Variants in KDM3A observed in about 807,000 individuals in gnomAD.
KDM3A encodes lysine demethylase 3A.
In KDM3A, 60 loss-of-function variants were observed where a neutral mutation model predicts 158.0. The observed-to-expected ratio is 0.38, with a 90% confidence interval of 0.31 to 0.47. The LOEUF is 0.47. Among genes scored for constraint, KDM3A ranks in the 20% least tolerant of loss-of-function variants. The probability of loss-of-function intolerance (pLI) is 0.99; values close to 1 mark genes in which losing one functional copy is unlikely to be tolerated. For missense variants in KDM3A, 1,319 were observed against 1,574.3 expected, an observed-to-expected ratio of 0.84 and a Z score of 2.74; for synonymous variants, 608 against 549.3, an observed-to-expected ratio of 1.11 and a Z score of -1.49.
chr2:86,478,629 T>C lies in KDM3A; in HGVS notation c.2210T>C (p.Ile737Thr), dbSNP rs775780707. Reference protein sequence around the residue: ...PGKALYDVGDIVHSVRAKWGI... With the variant: ...PGKALYDVGDTVHSVRAKWGI... ...TTAGCACTCTATGATGTTGGAGACA[T>C]TGTTCATTCTGTAAGAGCGAAATGG... Residue 737 changes from isoleucine (I) to threonine (T), a missense_variant, in exon 15 of 26, where the codon ATT becomes ACT. This residue lies in a region of KDM3A where 368 missense variants were observed against 415.8 expected (regional missense o/e 0.89). Coordinates refer to ENST00000312912, the MANE Select transcript of KDM3A (RefSeq NM_018433.6). 2 of 1,614,122 alleles carry C rather than the reference T, an allele frequency of 1.2e-6. No individual in the cohort carries two copies. Among genetic ancestry groups the C allele is most frequent in the African/African-American group, 1.3e-5 (1 of 75,062 alleles).
chr2:86,485,861 TAAG>T lies in KDM3A; in HGVS notation c.3313+3_3313+5del, dbSNP rs1361115236. 3 of 1,608,072 alleles carry T rather than the reference TAAG, an allele frequency of 1.9e-6. No individual in the cohort carries two copies. Among genetic ancestry groups the T allele is most frequent in the Non-Finnish European group, 2.6e-6 (3 of 1,175,354 alleles). Reference sequence around the variant, plus strand: ...GCCCCAAGATGTATAATGCTTATGGTAAGGAGGAGATGGCTAACTTTAAAATGG... The same window carrying T: ...GCCCCAAGATGTATAATGCTTATGGTGAGGAGATGGCTAACTTTAAAATGG... On this transcript the variant is annotated splice_donor_5th_base_variant and intron_variant, in intron 21 of 25. Coordinates refer to ENST00000312912, the MANE Select transcript of KDM3A (RefSeq NM_018433.6).
intron 11 of KDM3A, among the ~76,000 whole-genome samples, chr2:86,471,598 T>C (rs1405291187): frequency 1.3e-5 from 2 of 152,144 alleles, no homozygotes; most frequent in Non-Finnish European, 2.9e-5. Context: ...CCTATTCTCC[T>C]CCTCCCTTTT....
chr2:86,444,392 C>G (rs1221699947), intron 2 of KDM3A, among the ~76,000 whole-genome samples: 1 of 152,134 alleles, frequency 6.6e-6, no homozygotes, highest in South Asian at 2.1e-4. Context: ...TGCCAATCTT[C>G]TGTCTCTTTT....
At chr2:86,470,141 T>G (rs1407911611) in intron 10 of KDM3A, 63 bp from the exon 11 acceptor site, 18 of 1,316,142 alleles carry the variant, frequency 1.4e-5, no homozygotes, top group Middle Eastern at 2.5e-4. Flanking sequence ...TAGAATTCAG[T>G]CATATATGAA....
chr2:86,475,111 A>G, intron 12 of KDM3A, 121 bp downstream of exon 12: 1 of 784,604 alleles, frequency 1.3e-6, no homozygotes, highest in Non-Finnish European at 2.1e-6. Context: ...ACTTTGGTAT[A>G]ATGAGGTTGC....
At chr2:86,455,962 A>G (rs1479160434) in intron 5 of KDM3A, among the ~76,000 whole-genome samples, 1 of 151,618 alleles carries the variant, frequency 6.6e-6, no homozygotes, top group African/African-American at 2.4e-5. Flanking sequence ...TCAAAAAAAA[A>G]AAAAAAAAAA....
chr2:86,487,350 A>G lies in KDM3A; in HGVS notation c.3313+1491A>G, dbSNP rs546857662. The G allele has an allele frequency of 1.3e-3, 195 of 152,300 alleles. 1 individual carries two copies. Among genetic ancestry groups the G allele is most frequent in the African/African-American group, 4.5e-3 (186 of 41,558 alleles). The allele number at this position is 152,300 out of a possible 1,614,324, so 9.4% of individuals were successfully genotyped here. A position where few individuals can be genotyped will look rare whatever the true frequency, so the allele number is the denominator to read the frequency against. ...GAAAATAATGATGTGTTCATTTTCA[A>G]ACACCTTATATCTTATTGTAAACAT... On this transcript the variant is annotated intron_variant, in intron 21 of 25. Coordinates refer to ENST00000312912, the MANE Select transcript of KDM3A (RefSeq NM_018433.6).
At chr2:86,467,410 T>G (rs1449760385) in intron 10 of KDM3A, 2 of 152,764 alleles carry the variant, frequency 1.3e-5, no homozygotes, top group Non-Finnish European at 2.9e-5. Flanking sequence ...CAGAATTGTA[T>G]CATTTCTGGA....
chr2:86,458,788 T>G (rs1672809613), intron 8 of KDM3A, among the ~76,000 whole-genome samples: 1 of 152,050 alleles, frequency 6.6e-6, no homozygotes, highest in Admixed American at 6.6e-5. Flanking sequence ...AAGTTTGGGT[T>G]TTATGCTGCA....
At chr2:86,464,251 A>G in intron 9 of KDM3A, 35 bp downstream of exon 9, 1 of 1,379,494 alleles carries the variant, frequency 7.2e-7, no homozygotes, top group Non-Finnish European at 9.6e-7. Flanking sequence ...TTTAATTATA[A>G]TAATAAAAAA....
chr2:86,491,341 C>T (rs899394895), intron 25 of KDM3A, 66 bp downstream of exon 25: 24 of 1,520,930 alleles, frequency 1.6e-5, no homozygotes, highest in Non-Finnish European at 2.2e-5. Context: ...CATTCTTCAC[C>T]TTATAAAGAG....
chr2:86,442,452 T>A, intron 2 of KDM3A: 1 of 513,898 alleles, frequency 1.9e-6, no homozygotes, highest in South Asian at 2.4e-5. Flanking sequence ...AATAATGGGC[T>A]TAGGGTTGTT....
intron 12 of KDM3A, among the ~76,000 whole-genome samples, chr2:86,477,651 A>G (rs1459613397): frequency 1.3e-5 from 2 of 152,130 alleles, no homozygotes; most frequent in Non-Finnish European, 2.9e-5. Context: ...GCCTGAATAC[A>G]TAAAGTGAGA....
At chr2:86,482,329 C>CG (rs1673972079) in intron 17 of KDM3A, 129 bp from the exon 18 acceptor site, 1 of 1,443,480 alleles carries the variant, frequency 6.9e-7, no homozygotes, top group Non-Finnish European at 9.3e-7. Flanking sequence ...GGACAGGGGA[C>CG]GTACCTTTTT....
At chr2:86,471,284 T>C (rs1368534419) in intron 11 of KDM3A, among the ~76,000 whole-genome samples, 1 of 133,778 alleles carries the variant, frequency 7.5e-6, no homozygotes, top group African/African-American at 3.4e-5. Flanking sequence ...TATGTGTGTA[T>C]ATATGTATAT....
At chr2:86,480,413 T>A in intron 16 of KDM3A, 51 bp downstream of exon 16, 1 of 1,480,010 alleles carries the variant, frequency 6.8e-7, no homozygotes, top group Non-Finnish European at 9.3e-7. Context: ...AGTCCATTCG[T>A]GGAAGGACTT....
rs929748142 is a variant in KDM3A, at chr2:86,492,192, G to A, written c.*73G>A. The A allele has an allele frequency of 2.8e-6, 3 of 1,090,100 alleles. No individual in the cohort carries two copies. The highest frequency in any genetic ancestry group is 4.2e-6 in the Non-Finnish European group (3 of 716,508). The allele number at this position is 1,090,100 out of a possible 1,614,324, so 67.5% of individuals were successfully genotyped here. ...CAGGCAGGATTCCTGTGGACTTTGAGATTCATGTTACCTCATCTTCTTTTT... is the reference window on the plus strand; with the variant it reads ...CAGGCAGGATTCCTGTGGACTTTGAAATTCATGTTACCTCATCTTCTTTTT... On this transcript the variant is annotated 3_prime_UTR_variant, in exon 26 of 26. Coordinates refer to ENST00000312912, the MANE Select transcript of KDM3A (RefSeq NM_018433.6).
intron 15 of KDM3A, 152 bp from the exon 16 acceptor site, chr2:86,480,015 A>G: frequency 1.6e-6 from 1 of 628,388 alleles, no homozygotes; most frequent in African/African-American, 1.8e-5. Context: ...GTGCGGGATT[A>G]CTGCAGCTGT....
At chr2:86,438,416 T>C (rs563504225), upstream of KDM3A, among the ~76,000 whole-genome samples, 192 of 152,192 alleles carry the variant, frequency 1.3e-3, no homozygotes, top group African/African-American at 4.5e-3. Context: ...TAAGTTCAAA[T>C]GATCTAATGT....
Sources: gnomAD v4.1 joint callset for allele counts (sites outside exome capture counted in the v4.1 genomes callset) on GRCh38, gnomAD v4.1.1 for gene constraint, gnomAD v4.1.1 regional missense constraint, MANE v1.5 for transcripts, NCBI Gene and HGNC (gene_info 2026-07-23, HGNC 2026-07-21) for gene names.